The following ASTN2 variants were observed in gnomAD, a reference collection of about 807,000 sequenced individuals.
ASTN2 encodes astrotactin-2.
Under a neutral mutation model 139.8 loss-of-function variants are expected in ASTN2, and 54 were observed. The ratio of observed to expected loss-of-function variants is 0.39; its 90% CI spans 0.31 to 0.48. ASTN2 has a LOEUF of 0.48. Among genes scored for constraint, ASTN2 ranks in the 20% least tolerant of loss-of-function variants. ASTN2 has a pLI of 0.95. For missense variants in ASTN2, 1,565 were observed against 1,725.1 expected (o/e 0.91, Z 1.64); for synonymous variants, 756 against 719.5 (o/e 1.05, Z -0.81).
At chr9:116,480,077 A>AGAGG (rs1218960472) in intron 20 of ASTN2, among the ~76,000 whole-genome samples, 1 of 151,864 alleles carries the variant, frequency 6.6e-6, no homozygotes, top group Admixed American at 6.6e-5. Flanking sequence ...AAAAAGAGAG[A>AGAGG]GAGGGAGGGA....
intron 19 of ASTN2, among the ~76,000 whole-genome samples, chr9:116,502,166 T>C (rs1245236572): frequency 6.6e-6 from 1 of 151,718 alleles, no homozygotes; most frequent in Non-Finnish European, 1.5e-5. Flanking sequence ...TGTATGTGTA[T>C]GCATGCATGT....
intron 10 of ASTN2, among the ~76,000 whole-genome samples, chr9:116,953,835 A>G (rs144056046): frequency 5.3e-5 from 8 of 152,318 alleles, no homozygotes; most frequent in Non-Finnish European, 1.2e-4. Context: ...AAGGTCATTT[A>G]GCTCATTAGT....
chr9:117,354,053 T>C (rs1190467364), intron 1 of ASTN2, among the ~76,000 whole-genome samples: 1 of 152,120 alleles, frequency 6.6e-6, no homozygotes, highest in African/African-American at 2.4e-5. Flanking sequence ...GTGACAATGA[T>C]GTGTCTATGC....
rs748137558 is a variant in ASTN2, at chr9:117,114,166, CTTTTT to C, written c.1169-18020_1169-18016del. Among the ~76,000 whole-genome samples, 656 of 140,842 alleles carry C rather than the reference CTTTTT, an allele frequency of 4.7e-3. 5 individuals are homozygous for C. The highest frequency in any genetic ancestry group is 0.016 in the African/African-American group (602 of 37,962). 92.4% of individuals were successfully genotyped at this position (140,842 alleles called of 152,430 possible). On this transcript the variant is annotated intron_variant, in intron 4 of 22. Coordinates refer to ENST00000313400, the MANE Select transcript of ASTN2 (RefSeq NM_001365068.1). ...GAAACTCTTTTTAATGAACATTAGT[CTTTTT>C]TTTTTTTAAAAAAAAAGTCTATGGG...
At chr9:117,283,399 T>C (rs1834372512) in intron 2 of ASTN2, among the ~76,000 whole-genome samples, 1 of 151,662 alleles carries the variant, frequency 6.6e-6, no homozygotes, top group South Asian at 2.1e-4. Flanking sequence ...AGTCTATACT[T>C]ACAATATTAA....
chr9:116,883,658 G>A (rs181063881), intron 10 of ASTN2, among the ~76,000 whole-genome samples: 1 of 152,168 alleles, frequency 6.6e-6, no homozygotes, highest in Non-Finnish European at 1.5e-5. Flanking sequence ...TGGCATGGAG[G>A]TTGCAGATGC....
chr9:116,987,263 G>A (rs1035449368), intron 7 of ASTN2, among the ~76,000 whole-genome samples: 2 of 152,266 alleles, frequency 1.3e-5, no homozygotes, highest in Non-Finnish European at 2.9e-5. Context: ...TAGTGAGTAA[G>A]TTCTTATGAG....
chr9:117,160,041 A>G (rs370950219), intron 3 of ASTN2, among the ~76,000 whole-genome samples: 8 of 152,050 alleles, frequency 5.3e-5, no homozygotes, highest in African/African-American at 1.7e-4. Context: ...ATACTCCACT[A>G]TGAAAATGCA....
chr9:116,931,581 G>T (rs940534605), intron 10 of ASTN2, among the ~76,000 whole-genome samples: 2 of 152,184 alleles, frequency 1.3e-5, no homozygotes, highest in Non-Finnish European at 2.9e-5. Context: ...TTTGTTAACT[G>T]CACATCGATG....
At chr9:117,300,060 C>A (rs1241035950) in intron 1 of ASTN2, among the ~76,000 whole-genome samples, 1 of 152,156 alleles carries the variant, frequency 6.6e-6, no homozygotes, top group Non-Finnish European at 1.5e-5. Flanking sequence ...TGGAAATCTG[C>A]AAAGTTTTAC....
intron 11 of ASTN2, among the ~76,000 whole-genome samples, chr9:116,826,949 T>G (rs973783717): frequency 2.0e-5 from 3 of 152,040 alleles, no homozygotes; most frequent in African/African-American, 7.2e-5. Context: ...AAGAGGAAAG[T>G]TTATAGCATT....
At chr9:116,632,249 G>GGA (rs1564169320) in intron 17 of ASTN2, among the ~76,000 whole-genome samples, 3 of 128,926 alleles carry the variant, frequency 2.3e-5, no homozygotes, top group Non-Finnish European at 3.3e-5. Flanking sequence ...AAGAAAGAAA[G>GGA]AAGGAAAGAA....
intron 17 of ASTN2, among the ~76,000 whole-genome samples, chr9:116,626,628 A>G (rs1856477112): frequency 6.6e-6 from 1 of 152,074 alleles, no homozygotes; most frequent in African/African-American, 2.4e-5. Flanking sequence ...CTTGGAGGAC[A>G]GTGGGGTTGA....
chr9:116,659,456 C>T (rs1564188558), intron 16 of ASTN2, among the ~76,000 whole-genome samples: 16 of 152,112 alleles, frequency 1.1e-4, no homozygotes. Flanking sequence ...GACAGTTGGT[C>T]TTTGTTTTAT....
intron 20 of ASTN2, among the ~76,000 whole-genome samples, chr9:116,462,788 A>ATGTGTGTGTGTGTGTGTGTGTGTG (rs55926547): frequency 2.1e-5 from 3 of 146,186 alleles, no homozygotes; most frequent in African/African-American, 7.7e-5. Context: ...TTGGGTGAGC[A>ATGTGTGTGTGTGTGTGTGTGTGTG]TGTGTGTGTG....
At chr9:116,496,388 G>A (rs905971851) in intron 19 of ASTN2, among the ~76,000 whole-genome samples, 5 of 152,194 alleles carry the variant, frequency 3.3e-5, no homozygotes, top group Admixed American at 1.3e-4. Flanking sequence ...CAGAGCTTAA[G>A]AACAATGGCT....
intron 13 of ASTN2, among the ~76,000 whole-genome samples, chr9:116,798,278 C>A (rs544821371): frequency 2.6e-5 from 4 of 152,162 alleles, no homozygotes; most frequent in African/African-American, 9.7e-5. Flanking sequence ...CCCAGACAGA[C>A]AAACAAACAA....
intron 1 of ASTN2, among the ~76,000 whole-genome samples, chr9:117,346,088 G>A (rs1476693598): frequency 6.6e-6 from 1 of 151,212 alleles, no homozygotes; most frequent in Non-Finnish European, 1.5e-5. Flanking sequence ...CTCAGTGGAG[G>A]CTCAGGGGTG....
At chr9:117,037,654 T>C (rs1392949962) in intron 6 of ASTN2, among the ~76,000 whole-genome samples, 1 of 152,230 alleles carries the variant, frequency 6.6e-6, no homozygotes, top group Non-Finnish European at 1.5e-5. Context: ...AAAATAAATA[T>C]GTAAAACTTG....
Sources: allele counts gnomAD v4.1 joint callset (sites outside exome capture counted in the v4.1 genomes callset), GRCh38; gene constraint gnomAD v4.1.1; transcripts MANE v1.5; gene names NCBI Gene and HGNC (gene_info 2026-07-23, HGNC 2026-07-21).